Variants in PTPRD observed in about 807,000 individuals in gnomAD.
The protein encoded by PTPRD is protein tyrosine phosphatase receptor type D, also known as receptor-type tyrosine-protein phosphatase delta.
Under a neutral mutation model 214.5 loss-of-function variants are expected in PTPRD, and 34 were observed. That is an observed-to-expected ratio of 0.16 (90% CI 0.12 to 0.21). The LOEUF is 0.21. Among genes scored for constraint, PTPRD ranks in the 10% least tolerant of loss-of-function variants. The pLI is 1.00. For synonymous variants in PTPRD, 1,128 were observed against 845.7 expected, an observed-to-expected ratio of 1.33 and a Z score of -5.79; for missense variants, 2,545 against 2,398.7, an observed-to-expected ratio of 1.06 and a Z score of -1.27.
intron 11 of PTPRD, among the ~76,000 whole-genome samples, chr9:8,908,607 G>T (rs2098724626): frequency 6.6e-6 from 1 of 151,902 alleles, no homozygotes; most frequent in African/African-American, 2.4e-5. Context: ...GTTGGAGGCT[G>T]ATTTATAGCT....
chr9:9,692,628 T>A (rs2097294521), intron 7 of PTPRD, among the ~76,000 whole-genome samples: 1 of 128,858 alleles, frequency 7.8e-6, no homozygotes, highest in East Asian at 2.4e-4. Context: ...TGATTCTATA[T>A]AAATTTTAAG....
intron 3 of PTPRD, among the ~76,000 whole-genome samples, chr9:10,251,916 G>T (rs2092808528): frequency 6.6e-6 from 1 of 152,132 alleles, no homozygotes; most frequent in Non-Finnish European, 1.5e-5. Context: ...ATCCATTGCA[G>T]AGTAAGGTGG....
intron 3 of PTPRD, among the ~76,000 whole-genome samples, chr9:10,234,980 TTA>T (rs1328540542): frequency 6.6e-6 from 1 of 150,776 alleles, no homozygotes; most frequent in Non-Finnish European, 1.5e-5. Context: ...CATACAATTA[TTA>T]TGTGTGTGTT....
intron 3 of PTPRD, among the ~76,000 whole-genome samples, chr9:10,204,291 CA>C (rs1431750522): frequency 6.6e-6 from 1 of 152,102 alleles, no homozygotes; most frequent in Non-Finnish European, 1.5e-5. Flanking sequence ...AAAAACAACT[CA>C]GTTTTGGTCA....
intron 12 of PTPRD, among the ~76,000 whole-genome samples, chr9:8,688,719 T>C (rs2097744049): frequency 1.3e-5 from 2 of 152,154 alleles, no homozygotes; most frequent in Admixed American, 6.5e-5. Context: ...ACCCTTGCAA[T>C]GGATACATTC....
At chr9:8,858,161 T>A (rs938564416) in intron 11 of PTPRD, 2 of 158,374 alleles carry the variant, frequency 1.3e-5, no homozygotes, top group African/African-American at 2.4e-5. Context: ...GGCTGGGGGG[T>A]CCGGGGCCGC....
chr9:9,801,693 C>A (rs531514886), intron 5 of PTPRD, among the ~76,000 whole-genome samples: 1 of 152,080 alleles, frequency 6.6e-6, no homozygotes, highest in East Asian at 1.9e-4. Context: ...AATAATTTCA[C>A]TGTTGGAAAT....
chr9:10,540,148 G>C (rs533443361), intron 2 of PTPRD, among the ~76,000 whole-genome samples: 1 of 152,062 alleles, frequency 6.6e-6, no homozygotes, highest in African/African-American at 2.4e-5. Flanking sequence ...TCCTCCCTCA[G>C]CCTCCAGAGT....
chr9:9,672,420 A>T (rs2096849514), intron 7 of PTPRD, among the ~76,000 whole-genome samples: 2 of 152,128 alleles, frequency 1.3e-5, no homozygotes, highest in South Asian at 4.1e-4. Context: ...ATCTTATTTG[A>T]TATCAACTAA....
rs1822894752 is a variant in PTPRD at position 8,317,676 on chromosome 9, TCA to T, written c.*196_*197del. ...CAGTCAGGATTCTCTTCATTATTTT[TCA>T]GGTTAGATTATTAAACTGTGAATTC... On this transcript the variant is annotated 3_prime_UTR_variant, in exon 46 of 46. Coordinates refer to ENST00000381196, the MANE Select transcript of PTPRD (RefSeq NM_002839.4). 4.5e-6 allele frequency: 2 copies of T among 445,194 alleles called. No individual in the cohort carries two copies. The highest frequency in any genetic ancestry group is 1.3e-3 in the Middle Eastern group (2 of 1,594). 27.6% of individuals were successfully genotyped at this position (445,194 alleles called of 1,614,324 possible).
At chr9:9,422,664 G>C (rs2079246871) in intron 8 of PTPRD, among the ~76,000 whole-genome samples, 1 of 152,126 alleles carries the variant, frequency 6.6e-6, no homozygotes, top group South Asian at 2.1e-4. Flanking sequence ...AGCTGGTAGA[G>C]CTTTCTGCAC....
intron 3 of PTPRD, among the ~76,000 whole-genome samples, chr9:10,190,396 AAAAAAAAAAAAAAAAAAAAAAAAAC>A (rs1409198896): frequency 2.3e-5 from 1 of 43,388 alleles, no homozygotes; most frequent in African/African-American, 2.6e-4. Context: ...GAAAAAAAAA[AAAAAAAAAAAAAAAAAAAAAAAAAC>A]AAAAAGTCAA....
intron 8 of PTPRD, among the ~76,000 whole-genome samples, chr9:9,483,871 G>T (rs1350106345): frequency 6.9e-6 from 1 of 145,806 alleles, no homozygotes. Context: ...TTAAAATTTT[G>T]AAAATCAACA....
At chr9:10,084,391 C>A (rs1282005984) in intron 3 of PTPRD, among the ~76,000 whole-genome samples, 1 of 151,604 alleles carries the variant, frequency 6.6e-6, no homozygotes, top group South Asian at 2.1e-4. Flanking sequence ...GTGAGAAGAA[C>A]TGAAGAAAAT....
chr9:10,073,177 A>G (rs2098064025), intron 3 of PTPRD, among the ~76,000 whole-genome samples: 2 of 152,006 alleles, frequency 1.3e-5, no homozygotes, highest in South Asian at 4.1e-4. Flanking sequence ...TAGGGCAGTG[A>G]AACTTTACCT....
intron 11 of PTPRD, among the ~76,000 whole-genome samples, chr9:8,874,778 T>C (rs1182958174): frequency 3.9e-5 from 6 of 152,252 alleles, no homozygotes; most frequent in Non-Finnish European, 5.9e-5. Context: ...ATACTGTGAT[T>C]GTGCAGAGCA....
At chr9:10,441,916 C>G (rs944872870) in intron 2 of PTPRD, among the ~76,000 whole-genome samples, 3 of 151,490 alleles carry the variant, frequency 2.0e-5, no homozygotes, top group South Asian at 2.1e-4. Flanking sequence ...TATCAGTTGA[C>G]AAGACTAAAT....
intron 3 of PTPRD, among the ~76,000 whole-genome samples, chr9:10,250,895 G>A (rs1358192813): frequency 6.6e-6 from 1 of 151,766 alleles, no homozygotes; most frequent in Middle Eastern, 3.2e-3. Flanking sequence ...AAAAATGTTT[G>A]TATACTGGCA....
intron 2 of PTPRD, among the ~76,000 whole-genome samples, chr9:10,530,946 A>T (rs1814887123): frequency 6.6e-6 from 1 of 152,004 alleles, no homozygotes; most frequent in Non-Finnish European, 1.5e-5. Context: ...TGCTAAAATC[A>T]GTAGACAATT....
Sources: allele counts gnomAD v4.1 joint callset (sites outside exome capture counted in the v4.1 genomes callset), GRCh38; gene constraint gnomAD v4.1.1; transcripts MANE v1.5; gene names NCBI Gene and HGNC (gene_info 2026-07-23, HGNC 2026-07-21).